The following ECT2L variants were observed in gnomAD, a reference collection of about 807,000 sequenced individuals.
The protein encoded by ECT2L is epithelial cell-transforming sequence 2 oncogene-like.
Under a neutral mutation model 122.8 loss-of-function variants are expected in ECT2L, and 126 were observed. The ratio of observed to expected loss-of-function variants is 1.03; its 90% CI spans 0.89 to 1.19. ECT2L has a LOEUF of 1.19. Among genes scored for constraint, ECT2L ranks in the 50% most tolerant of loss-of-function variants. The pLI is 0.00. For missense variants in ECT2L, 1,012 were observed against 1,064.1 expected (o/e 0.95, Z 0.68); for synonymous variants, 385 against 381.8 (o/e 1.01, Z -0.10).
At chr6:138,812,317 C>G (rs747048081) in intron 1 of ECT2L, among the ~76,000 whole-genome samples, 1 of 152,198 alleles carries the variant, frequency 6.6e-6, no homozygotes, top group East Asian at 1.9e-4. Context: ...ACAGTACCCC[C>G]CTAAACTCTG....
intron 11 of ECT2L, among the ~76,000 whole-genome samples, chr6:138,864,631 C>T (rs758325581): frequency 1.3e-5 from 2 of 152,112 alleles, no homozygotes; most frequent in Non-Finnish European, 2.9e-5. Flanking sequence ...AGCCGTGTAG[C>T]GTGGGATTTC....
rs527935670 is a variant in ECT2L at position 138,837,684 on chromosome 6, C to T, written c.180-668C>T. Among the ~76,000 whole-genome samples the T allele has an allele frequency of 2.0e-5, 3 of 151,310 alleles. No homozygotes were observed. In the East Asian group the frequency reaches 5.8e-4, roughly 29 times the overall value. ...ACAATTAAAAAAACCCAAAAACGTC[C>T]ACACACAAGAAAATCTCAGTGAATA... On this transcript the variant is annotated intron_variant, in intron 4 of 21. Coordinates refer to ENST00000541398, the MANE Select transcript of ECT2L (RefSeq NM_001077706.3).
At chr6:138,888,317 C>CTTTCTTTTT (rs1253741376) in intron 19 of ECT2L, among the ~76,000 whole-genome samples, 3 of 128,644 alleles carry the variant, frequency 2.3e-5, no homozygotes, top group African/African-American at 3.0e-5. Flanking sequence ...TTTTTCTTTT[C>CTTTCTTTTT]TTTTTTTTTT....
chr6:138,865,693 G>T (rs1430948027), intron 12 of ECT2L, among the ~76,000 whole-genome samples: 1 of 152,198 alleles, frequency 6.6e-6, no homozygotes, highest in African/African-American at 2.4e-5. Context: ...AATGATCACA[G>T]CAGAGCCCTT....
rs558452928 is a variant in ECT2L, at chr6:138,867,133, A to G, written c.1475-970A>G. ...AATGCCTACTTGAGCGCAGAGATAA[A>G]GGAGAATATAGAGGAACTCCTGGTA... On this transcript the variant is annotated intron_variant, in intron 12 of 21. Transcript: ENST00000541398. 6.6e-5 allele frequency among the ~76,000 whole-genome samples: 10 copies of G among 152,312 alleles called. No homozygotes were observed. In the East Asian group the frequency reaches 1.9e-3, roughly 29 times the overall value.
intron 1 of ECT2L, among the ~76,000 whole-genome samples, chr6:138,810,954 T>C (rs1040606101): frequency 1.3e-5 from 2 of 152,190 alleles, no homozygotes; most frequent in African/African-American, 4.8e-5. Context: ...GTTCTGCATA[T>C]GGGAAAGGAA....
chr6:138,873,202 A>C (rs1778314740), intron 13 of ECT2L, among the ~76,000 whole-genome samples: 1 of 151,264 alleles, frequency 6.6e-6, no homozygotes, highest in Non-Finnish European at 1.5e-5. Context: ...GAAAAATGCA[A>C]AACTCCTTAA....
chr6:138,894,230 T>C lies in ECT2L; in HGVS notation c.2414+5199T>C, dbSNP rs182700020. Reference sequence around the variant, plus strand: ...CGCCACCACACCCAGCTAAGTTTTGTATTTTTAGTAGAGATGGGGTTTCAC... The same window carrying C: ...CGCCACCACACCCAGCTAAGTTTTGCATTTTTAGTAGAGATGGGGTTTCAC... On this transcript the variant is annotated intron_variant, in intron 20 of 21. Transcript: ENST00000541398. Among the ~76,000 whole-genome samples the C allele has an allele frequency of 3.8e-3, 585 of 152,110 alleles. 1 individual carries two copies. Among genetic ancestry groups the C allele is most frequent in the Non-Finnish European group, 6.7e-3 (454 of 67,974 alleles).
chr6:138,898,881 T>A (rs1779302258), intron 20 of ECT2L, among the ~76,000 whole-genome samples: 1 of 152,128 alleles, frequency 6.6e-6, no homozygotes, highest in African/African-American at 2.4e-5. Context: ...TTGATATACA[T>A]ACATACTTAT....
chr6:138,836,992 G>A (rs4896408), intron 4 of ECT2L, among the ~76,000 whole-genome samples: 78,024 of 151,734 alleles, frequency 0.51, 20,897 homozygotes, highest in East Asian at 0.8. Flanking sequence ...GCTCTGGTTT[G>A]TTTTATTAGG....
intron 20 of ECT2L, among the ~76,000 whole-genome samples, chr6:138,892,273 T>C (rs558303483): frequency 1.3e-5 from 2 of 152,278 alleles, no homozygotes; most frequent in South Asian, 2.1e-4. Context: ...TCATTTCTGT[T>C]ATATTTATTT....
In ECT2L at chr6:138,882,777, G is replaced by A. The variant is rs373301762; in HGVS notation, c.1934G>A (p.Cys645Tyr). 6.2e-7 allele frequency: 1 copy of A among 1,614,228 alleles called. No homozygotes were observed. Among genetic ancestry groups the A allele is most frequent in the Admixed American group, 1.7e-5 (1 of 60,026 alleles). ...CTGCAGGAATGGGGCCCAGCTCACT[G>A]TGTGGGAGAAATAGTCACGAAGTTT... ...DRLQEWGPAH[C>Y]VGEIVTKFGS... Residue 645 changes from cysteine (C) to tyrosine (Y), a missense_variant, in exon 16 of 22, where the codon TGT becomes TAT. Transcript: ENST00000541398.
At chr6:138,825,785 CTA>C (rs969549024) in intron 4 of ECT2L, among the ~76,000 whole-genome samples, 2 of 152,166 alleles carry the variant, frequency 1.3e-5, no homozygotes, top group African/African-American at 4.8e-5. Context: ...TTACCCATAT[CTA>C]GTTTTGCTCT....
In ECT2L at chr6:138,806,395, T is replaced by C. The variant is rs190137163; in HGVS notation, c.-243-6443T>C. Among the ~76,000 whole-genome samples, 86 of 152,144 alleles carry C rather than the reference T, an allele frequency of 5.7e-4. No homozygotes were observed. In the East Asian group the frequency reaches 0.014, roughly 25 times the overall value. Reference sequence around the variant, plus strand: ...ACAGGTCCTTCTCTGCTTTGGGCTATGGATTGGGGTGCTATGGGACAAGGA... The same window carrying C: ...ACAGGTCCTTCTCTGCTTTGGGCTACGGATTGGGGTGCTATGGGACAAGGA... On this transcript the variant is annotated intron_variant, in intron 1 of 21. Coordinates refer to ENST00000541398, the MANE Select transcript of ECT2L (RefSeq NM_001077706.3).
Position 138,901,119 on chromosome 6 carries a change from GTGTA to G in ECT2L, c.2587+5_2587+8del. 1 of 1,613,748 alleles carries G rather than the reference GTGTA, an allele frequency of 6.2e-7. No homozygotes were observed. The highest frequency in any genetic ancestry group is 8.5e-7 in the Non-Finnish European group (1 of 1,179,814). Reference sequence around the variant, plus strand: ...TCATAGAAAATATTCCAGATTCCAAGTGTATGTATTCTTTTCCTTCCAAGAGACA... The same window carrying G: ...TCATAGAAAATATTCCAGATTCCAAGTGTATTCTTTTCCTTCCAAGAGACA... On this transcript the variant is annotated splice_donor_variant and splice_donor_region_variant and coding_sequence_variant and intron_variant, in exon 21 of 22. Coordinates refer to ENST00000541398, the MANE Select transcript of ECT2L (RefSeq NM_001077706.3). LOFTEE classifies it high-confidence loss of function.
At chr6:138,824,500 T>C (rs1164954898) in intron 4 of ECT2L, among the ~76,000 whole-genome samples, 1 of 145,200 alleles carries the variant, frequency 6.9e-6, no homozygotes, top group Non-Finnish European at 1.5e-5. Context: ...TTTTTAAATT[T>C]GTAAGTAATT....
At position 138,813,173 on chromosome 6, in the gene ECT2L, T is replaced by G; in HGVS notation, c.-102T>G. On this transcript the variant is annotated splice_region_variant and 5_prime_UTR_variant, in exon 3 of 22. Transcript: ENST00000541398. The stretch of plus-strand genomic sequence containing the variant: ...CATTAACATATTGGTTATTTCTAGG[T>G]GATCTTAATTGCACACCTATTGAAA... The G allele has an allele frequency of 1.4e-6, 1 of 713,594 alleles. No individual in the cohort carries two copies. The highest frequency in any genetic ancestry group is 2.4e-6 in the Non-Finnish European group (1 of 414,164). 44.2% of individuals were successfully genotyped at this position (713,594 alleles called of 1,614,324 possible). A position where few individuals can be genotyped will look rare whatever the true frequency, so the allele number is the denominator to read the frequency against.
intron 9 of ECT2L, among the ~76,000 whole-genome samples, chr6:138,849,732 C>A (rs541632664): frequency 1.2e-4 from 19 of 152,140 alleles, no homozygotes; most frequent in African/African-American, 3.9e-4. Flanking sequence ...CCACGCCCAG[C>A]TAATTTTTGT....
intron 14 of ECT2L, chr6:138,879,305 C>T (rs1406404409): frequency 5.9e-6 from 1 of 168,302 alleles, no homozygotes; most frequent in Non-Finnish European, 1.3e-5. Flanking sequence ...CTTCCTTGAG[C>T]TTTCTGTTCA....
Sources: gnomAD v4.1 joint callset for allele counts (sites outside exome capture counted in the v4.1 genomes callset) on GRCh38, gnomAD v4.1.1 for gene constraint, MANE v1.5 for transcripts, NCBI Gene and HGNC (gene_info 2026-07-23, HGNC 2026-07-21) for gene names.